The following RIPOR2 variants were observed in gnomAD, a reference collection of about 807,000 sequenced individuals.
RIPOR2 encodes the protein rho family-interacting cell polarization regulator 2.
In RIPOR2, 39 loss-of-function variants were observed where a neutral mutation model predicts 114.5. The observed-to-expected ratio is 0.34, with a 90% CI of 0.26 to 0.44. The LOEUF is 0.44. RIPOR2 is among the 20% of genes least tolerant of loss of function. The pLI is 1.00. For missense variants in RIPOR2, 1,007 were observed against 1,255.1 expected (o/e 0.80, Z 2.99); for synonymous variants, 445 against 484.4 (o/e 0.92, Z 1.07).
chr6:25,007,917 C>G (rs578199582), intron 1 of RIPOR2, among the ~76,000 whole-genome samples: 1 of 152,078 alleles, frequency 6.6e-6, no homozygotes, highest in Non-Finnish European at 1.5e-5. Flanking sequence ...CCCCCGACCT[C>G]TATTTCCTAT....
chr6:24,884,852 C>A (rs926256531), intron 1 of RIPOR2, among the ~76,000 whole-genome samples: 2 of 152,072 alleles, frequency 1.3e-5, no homozygotes, highest in Admixed American at 6.6e-5. Context: ...GAGAAAACGA[C>A]GAAGTGCTTT....
intron 1 of RIPOR2, among the ~76,000 whole-genome samples, chr6:24,934,941 G>A (rs752290954): frequency 1.3e-5 from 2 of 151,970 alleles, no homozygotes; most frequent in Non-Finnish European, 2.9e-5. Flanking sequence ...CCAGTATCCC[G>A]ACTTGGGAAA....
At chr6:24,975,924 G>A (rs1774019225) in intron 1 of RIPOR2, among the ~76,000 whole-genome samples, 2 of 152,096 alleles carry the variant, frequency 1.3e-5, no homozygotes, top group Admixed American at 6.6e-5. Flanking sequence ...GTATAACAAC[G>A]TGAATATACT....
chr6:24,981,103 G>A (rs892065188), intron 1 of RIPOR2, among the ~76,000 whole-genome samples: 2 of 152,180 alleles, frequency 1.3e-5, no homozygotes, highest in Non-Finnish European at 2.9e-5. Flanking sequence ...AAAGGGTGTA[G>A]AGTTTGGATG....
chr6:24,947,225 G>A (rs972939635), intron 1 of RIPOR2, among the ~76,000 whole-genome samples: 1 of 152,024 alleles, frequency 6.6e-6, no homozygotes, highest in African/African-American at 2.4e-5. Flanking sequence ...CAGGACAGAC[G>A]TGGGCCCAGA....
At chr6:24,963,284 C>T (rs1347237272) in intron 1 of RIPOR2, among the ~76,000 whole-genome samples, 3 of 152,154 alleles carry the variant, frequency 2.0e-5, no homozygotes, top group Non-Finnish European at 2.9e-5. Flanking sequence ...CCACCAGCCT[C>T]GGCCTCCCAA....
chr6:24,809,422 T>C (rs1402524445), intron 21 of RIPOR2, among the ~76,000 whole-genome samples: 1 of 152,228 alleles, frequency 6.6e-6, no homozygotes, highest in East Asian at 1.9e-4. Flanking sequence ...CTTTGCTTTA[T>C]GGTTTGACTT....
chr6:24,850,091 CTTTTTCTTTTTTT>C (rs1352441440), intron 10 of RIPOR2, 141 bp from the exon 11 acceptor site: 6 of 528,132 alleles, frequency 1.1e-5, no homozygotes, highest in Non-Finnish European at 1.8e-5. Context: ...TTTCATTTTT[CTTTTTCTTTTTTT>C]TTTTTTTTTG....
intron 4 of RIPOR2, among the ~76,000 whole-genome samples, chr6:24,871,906 G>T (rs1469606320): frequency 2.0e-5 from 3 of 152,296 alleles, no homozygotes; most frequent in Non-Finnish European, 4.4e-5. Flanking sequence ...TGACACAGGG[G>T]TTCCACATAG....
At chr6:24,936,380 C>T (rs568056113), upstream of RIPOR2, among the ~76,000 whole-genome samples, 1 of 152,288 alleles carries the variant, frequency 6.6e-6, no homozygotes, top group African/African-American at 2.4e-5. Context: ...CCAAAGCAGG[C>T]ATTTAGAGGA....
intron 1 of RIPOR2, among the ~76,000 whole-genome samples, chr6:24,901,631 A>G (rs1229469637): frequency 4.6e-5 from 7 of 152,192 alleles, no homozygotes; most frequent in Non-Finnish European, 8.8e-5. Flanking sequence ...CAAGTGTCCA[A>G]CTGAGGACAT....
intron 1 of RIPOR2, among the ~76,000 whole-genome samples, chr6:24,921,694 A>G (rs1275519465): frequency 6.9e-6 from 1 of 145,058 alleles, no homozygotes; most frequent in African/African-American, 2.6e-5. Context: ...AGGCTTGTCT[A>G]TTGTCTGCCT....
chr6:24,900,577 G>A (rs1172367234), intron 1 of RIPOR2, among the ~76,000 whole-genome samples: 2 of 152,002 alleles, frequency 1.3e-5, no homozygotes, highest in African/African-American at 4.8e-5. Flanking sequence ...GGCCAACATG[G>A]TGAAACCCCA....
chr6:24,837,942 G>T (rs915609883), intron 14 of RIPOR2, among the ~76,000 whole-genome samples: 2 of 152,188 alleles, frequency 1.3e-5, no homozygotes, highest in Admixed American at 1.3e-4. Context: ...GTCATATTGT[G>T]CCAAGGTAAA....
At chr6:24,860,876 G>T in intron 8 of RIPOR2, 97 bp downstream of exon 8, 2 of 773,850 alleles carry the variant, frequency 2.6e-6, no homozygotes, top group African/African-American at 1.8e-5. Flanking sequence ...CTGCGTCTTT[G>T]CAAGGAAAAT....
intron 21 of RIPOR2, 29 bp from the exon 22 acceptor site, chr6:24,806,502 C>A: frequency 7.0e-7 from 1 of 1,422,548 alleles, no homozygotes; most frequent in Non-Finnish European, 9.5e-7. Flanking sequence ...ACATGAATAC[C>A]AATTCAAACA....
intron 1 of RIPOR2, among the ~76,000 whole-genome samples, chr6:24,994,024 CA>C (rs1774942944): frequency 6.6e-6 from 1 of 152,204 alleles, no homozygotes; most frequent in African/African-American, 2.4e-5. Flanking sequence ...TGGTACCTAA[CA>C]TTTCACTCAC....
chr6:24,886,132 T>TAC (rs34756588), intron 1 of RIPOR2, among the ~76,000 whole-genome samples: 18,261 of 151,196 alleles, frequency 0.12, 1,522 homozygotes, highest in African/African-American at 0.24. Context: ...CTCCTCCAAA[T>TAC]ACACACACAC....
chr6:24,876,967 G>A (rs1765838747), intron 1 of RIPOR2: 1 of 985,182 alleles, frequency 1.0e-6, no homozygotes, highest in South Asian at 4.7e-5. Context: ...CTTAGCAGGT[G>A]ACTTCAATCC....
Sources: allele counts gnomAD v4.1 joint callset (sites outside exome capture counted in the v4.1 genomes callset), GRCh38; gene constraint gnomAD v4.1.1; transcripts MANE v1.5; gene names NCBI Gene and HGNC (gene_info 2026-07-23, HGNC 2026-07-21).